CCDC60: variants seen among roughly 807,000 people sequenced by gnomAD.
CCDC60 encodes coiled-coil domain containing 60.
In CCDC60, 54 loss-of-function variants were observed where a neutral mutation model predicts 63.5. That is an observed-to-expected ratio of 0.85 (90% confidence interval 0.68 to 1.07). The LOEUF (loss-of-function observed/expected upper bound fraction) is 1.07. CCDC60 is among the 50% of genes least tolerant of loss of function. CCDC60 has a pLI of 0.00. For synonymous variants in CCDC60, 206 were observed against 238.8 expected, an observed-to-expected ratio of 0.86 and a Z score of 1.27; for missense variants, 651 against 684.3, an observed-to-expected ratio of 0.95 and a Z score of 0.54.
chr12:119,511,266 G>A (rs529649185), intron 7 of CCDC60, among the ~76,000 whole-genome samples: 35 of 152,150 alleles, frequency 2.3e-4, no homozygotes, highest in Non-Finnish European at 5.1e-4. Flanking sequence ...GAATTCAGGA[G>A]TCCTATTCTA....
chr12:119,382,295 T>C (rs1156261112), intron 1 of CCDC60, among the ~76,000 whole-genome samples: 2 of 152,228 alleles, frequency 1.3e-5, no homozygotes, highest in South Asian at 2.1e-4. Flanking sequence ...TTTTTTGACA[T>C]TAATCCATTC....
chr12:119,389,145 G>A (rs960575102), intron 1 of CCDC60, among the ~76,000 whole-genome samples: 1 of 152,118 alleles, frequency 6.6e-6, no homozygotes, highest in Non-Finnish European at 1.5e-5. Context: ...GAAAGGCAAT[G>A]CCTTAAGGAG....
In CCDC60 at chr12:119,505,161, G is replaced by A. The variant is rs780770101; in HGVS notation, c.741G>A (p.Gly247=). The A allele has an allele frequency of 6.8e-6, 11 of 1,613,966 alleles. No individual in the cohort carries two copies. Among genetic ancestry groups the A allele is most frequent in the African/African-American group, 1.3e-5 (1 of 74,906 alleles). The change falls in exon 7 of 14, where the codon GGG becomes GGA. Residue 247 remains glycine, a synonymous_variant. Coordinates refer to ENST00000327554, the MANE Select transcript of CCDC60 (RefSeq NM_178499.5). ...STLSLSRASG[G]SSPQSSMISV... Reference sequence around the variant, plus strand: ...TCAGTCTGAGTCGGGCCAGTGGGGGGTCCTCTCCCCAGAGCAGCATGATCT... The same window carrying A: ...TCAGTCTGAGTCGGGCCAGTGGGGGATCCTCTCCCCAGAGCAGCATGATCT...
intron 4 of CCDC60, among the ~76,000 whole-genome samples, chr12:119,482,330 C>CTATTAT (rs752211483): frequency 7.9e-5 from 12 of 151,086 alleles, no homozygotes; most frequent in South Asian, 2.1e-4. Context: ...TAGGCTATTA[C>CTATTAT]TATTATTATT....
chr12:119,353,564 C>A (rs1257174845), intron 1 of CCDC60, among the ~76,000 whole-genome samples: 1 of 146,688 alleles, frequency 6.8e-6, no homozygotes, highest in Non-Finnish European at 1.5e-5. Context: ...TTCTCTCCTT[C>A]TCTCTCCCCT....
At chr12:119,338,548 G>C (rs1253230651) in intron 1 of CCDC60, among the ~76,000 whole-genome samples, 2 of 152,178 alleles carry the variant, frequency 1.3e-5, no homozygotes, top group Non-Finnish European at 2.9e-5. Flanking sequence ...ATTCATATCT[G>C]TCTGGCTCTG....
chr12:119,337,756 T>A (rs975769020), intron 1 of CCDC60, among the ~76,000 whole-genome samples: 1 of 151,844 alleles, frequency 6.6e-6, no homozygotes, highest in African/African-American at 2.4e-5. Flanking sequence ...TGAGGAAGTA[T>A]CAGAGGGTGT....
chr12:119,470,522 A>G (rs1228797126), intron 2 of CCDC60, among the ~76,000 whole-genome samples: 2 of 152,236 alleles, frequency 1.3e-5, no homozygotes, highest in African/African-American at 4.8e-5. Flanking sequence ...TTCCCAATGG[A>G]CATTTGTAAG....
chr12:119,493,383 C>T (rs906689460), intron 5 of CCDC60, among the ~76,000 whole-genome samples: 16 of 152,120 alleles, frequency 1.1e-4, no homozygotes, highest in Middle Eastern at 3.4e-3. Flanking sequence ...TTTCACTAAC[C>T]GGCAGTTACT....
At chr12:119,373,706 G>A (rs1182015330) in intron 1 of CCDC60, among the ~76,000 whole-genome samples, 1 of 151,920 alleles carries the variant, frequency 6.6e-6, no homozygotes, top group African/African-American at 2.4e-5. Flanking sequence ...AAAATGAGAT[G>A]GGGGGCGTCC....
At chr12:119,361,261 A>C (rs1394404560) in intron 1 of CCDC60, among the ~76,000 whole-genome samples, 1 of 151,998 alleles carries the variant, frequency 6.6e-6, no homozygotes, top group Non-Finnish European at 1.5e-5. Flanking sequence ...AAAATCTTTT[A>C]GTTGCAAGTA....
intron 5 of CCDC60, among the ~76,000 whole-genome samples, chr12:119,497,271 T>C (rs1951734329): frequency 2.0e-5 from 3 of 152,202 alleles, no homozygotes; most frequent in Admixed American, 2.0e-4. Flanking sequence ...CCACCAACCC[T>C]CTCTGCCCTC....
In CCDC60 at chr12:119,342,158, C is replaced by T. The variant is rs140801896; in HGVS notation, c.90+6892C>T. The stretch of plus-strand genomic sequence containing the variant: ...CATCAGGCTGGCAAGGCCCAAGGCC[C>T]TTTCCCTCATGGTCACAAAATGGCT... On this transcript the variant is annotated intron_variant, in intron 1 of 13. Coordinates refer to ENST00000327554, the MANE Select transcript of CCDC60 (RefSeq NM_178499.5). 4.8e-3 allele frequency among the ~76,000 whole-genome samples: 728 copies of T among 152,332 alleles called. 10 individuals are homozygous for T. Among genetic ancestry groups the T allele is most frequent in the African/African-American group, 0.017 (703 of 41,570 alleles).
chr12:119,520,748 G>A (rs1030079903), intron 9 of CCDC60, among the ~76,000 whole-genome samples: 3 of 151,914 alleles, frequency 2.0e-5, no homozygotes, highest in Admixed American at 1.3e-4. Flanking sequence ...CACCACATTG[G>A]CCAGGCTGGT....
intron 1 of CCDC60, among the ~76,000 whole-genome samples, chr12:119,406,098 G>C (rs1334383638): frequency 6.6e-6 from 1 of 152,274 alleles, no homozygotes; most frequent in East Asian, 1.9e-4. Context: ...TTGAACCCGG[G>C]AGGCAGAGAT....
chr12:119,524,716 C>CT (rs1416953138), intron 11 of CCDC60, among the ~76,000 whole-genome samples: 28 of 90,572 alleles, frequency 3.1e-4, no homozygotes, highest in African/African-American at 1.2e-3. Flanking sequence ...CTTTTCTTTT[C>CT]TTTTCTTTTT....
At chr12:119,380,065 G>A (rs1038021611) in intron 1 of CCDC60, among the ~76,000 whole-genome samples, 2 of 152,200 alleles carry the variant, frequency 1.3e-5, no homozygotes, top group Non-Finnish European at 2.9e-5. Flanking sequence ...TGTGGAGCGG[G>A]ACTGCAAGAA....
rs1199688450 is a variant in CCDC60 at position 119,360,166 on chromosome 12, A to AC, written c.90+24909dup. On this transcript the variant is annotated intron_variant, in intron 1 of 13. Transcript: ENST00000327554. ...GGGCGGCTGGCCGGGCGGGGGGCTG[A>AC]CCCCCCCCCACCTCCCTCCCGGACA... 5.6e-3 allele frequency among the ~76,000 whole-genome samples: 604 copies of AC among 107,160 alleles called. 4 individuals are homozygous for AC. Among genetic ancestry groups the AC allele is most frequent in the African/African-American group, 0.015 (408 of 27,676 alleles). The allele number at this position is 107,160 out of a possible 152,430, so 70.3% of individuals were successfully genotyped here. A position where few individuals can be genotyped will look rare whatever the true frequency, so the allele number is the denominator to read the frequency against.
chr12:119,457,342 C>G (rs925022499), intron 2 of CCDC60, among the ~76,000 whole-genome samples: 1 of 152,170 alleles, frequency 6.6e-6, no homozygotes, highest in Non-Finnish European at 1.5e-5. Flanking sequence ...AACCCATTAA[C>G]GGGTCTTTCT....
Sources: gnomAD v4.1 joint callset for allele counts (sites outside exome capture counted in the v4.1 genomes callset) on GRCh38, gnomAD v4.1.1 for gene constraint, MANE v1.5 for transcripts, NCBI Gene and HGNC (gene_info 2026-07-23, HGNC 2026-07-21) for gene names.